The following SSBP2 variants were observed in gnomAD, a reference collection of about 807,000 sequenced individuals.
SSBP2 encodes single-stranded DNA-binding protein 2.
In SSBP2, 17 loss-of-function variants were observed where a neutral mutation model predicts 61.8. That is an observed-to-expected ratio of 0.28 (90% CI 0.19 to 0.41). The LOEUF (loss-of-function observed/expected upper bound fraction) is 0.41. SSBP2 is among the 10% of genes least tolerant of loss of function. The probability of loss-of-function intolerance (pLI) is 1.00; values close to 1 mark genes in which losing one functional copy is unlikely to be tolerated. For synonymous variants in SSBP2, 139 were observed against 141.3 expected, an observed-to-expected ratio of 0.98 and a Z score of 0.12; for missense variants, 310 against 458.7, an observed-to-expected ratio of 0.68 and a Z score of 2.96.
chr5:81,505,981 T>C (rs1768151850), intron 5 of SSBP2, among the ~76,000 whole-genome samples: 1 of 152,198 alleles, frequency 6.6e-6, no homozygotes, highest in South Asian at 2.1e-4. Flanking sequence ...GTCCATCCAG[T>C]TACTGCTGTA....
rs192204953 is a variant in SSBP2, at chr5:81,575,488, G to A, written c.282+39985C>T. Among the ~76,000 whole-genome samples the A allele has an allele frequency of 9.9e-5, 15 of 152,184 alleles. No individual in the cohort carries two copies. The East Asian group carries it at 2.5e-3, about 25-fold the overall frequency. On this transcript the variant is annotated intron_variant, in intron 4 of 16. Transcript: ENST00000320672. ...CATATGTTAATAAATCAAGGATAGT[G>A]ATATAATCTCTGGGATAAGCATAAA...
chr5:81,505,383 A>C (rs960789594), intron 5 of SSBP2, among the ~76,000 whole-genome samples: 1 of 152,216 alleles, frequency 6.6e-6, no homozygotes, highest in Non-Finnish European at 1.5e-5. Context: ...TATTCTTTTA[A>C]AAAGCTAAAG....
At chr5:81,456,483 G>GTA (rs1424794587) in intron 10 of SSBP2, among the ~76,000 whole-genome samples, 2 of 150,542 alleles carry the variant, frequency 1.3e-5, no homozygotes, top group African/African-American at 4.9e-5. Flanking sequence ...CTCTTTTTCA[G>GTA]TATAAGTCTA....
intron 16 of SSBP2, among the ~76,000 whole-genome samples, chr5:81,425,729 A>G (rs1761910398): frequency 1.3e-5 from 2 of 152,170 alleles, no homozygotes; most frequent in Non-Finnish European, 2.9e-5. Context: ...ATCTTAAAAA[A>G]AAAAAACCTC....
At chr5:81,592,343 A>G (rs960663160) in intron 4 of SSBP2, among the ~76,000 whole-genome samples, 1 of 152,246 alleles carries the variant, frequency 6.6e-6, no homozygotes, top group South Asian at 2.1e-4. Context: ...AGCGGCTGGT[A>G]AGCTCAAACT....
chr5:81,743,484 A>G (rs1277542778), intron 1 of SSBP2, among the ~76,000 whole-genome samples: 2 of 152,062 alleles, frequency 1.3e-5, no homozygotes, highest in Admixed American at 6.5e-5. Context: ...TAGTACATTT[A>G]TTTGCTTATT....
intron 2 of SSBP2, among the ~76,000 whole-genome samples, chr5:81,647,592 C>T (rs957786051): frequency 3.9e-5 from 6 of 151,962 alleles, no homozygotes; most frequent in Non-Finnish European, 5.9e-5. Flanking sequence ...TTCTGAAAAT[C>T]ACATACACTT....
chr5:81,643,595 C>CTTTTTTTTTTTTTTTTTTTTTTTTTTT (rs368511957), intron 2 of SSBP2, among the ~76,000 whole-genome samples: 2 of 60,272 alleles, frequency 3.3e-5, no homozygotes, highest in Non-Finnish European at 5.9e-5. Context: ...TTTTTCCTTT[C>CTTTTTTTTTTTTTTTTTTTTTTTTTTT]TTTTTTTTTT....
chr5:81,620,431 A>C (rs568423485), intron 3 of SSBP2, among the ~76,000 whole-genome samples: 12 of 151,992 alleles, frequency 7.9e-5, no homozygotes, highest in South Asian at 4.2e-4. Flanking sequence ...AGAACCACAA[A>C]CCACTGGTCA....
In SSBP2 at chr5:81,413,963, T is replaced by C. The variant is rs947096274; in HGVS notation, c.*6541A>G. The C allele has an allele frequency of 4.6e-5, 7 of 152,160 alleles. No homozygotes were observed. Among genetic ancestry groups the C allele is most frequent in the Non-Finnish European group, 1.5e-5 (1 of 67,994 alleles). 9.4% of individuals were successfully genotyped at this position (152,160 alleles called of 1,614,324 possible). ...AAATTTCACTCTCTTGGCAATGTAC[T>C]GAGGCCATTTGGTGGAAAAAAGAAA... On this transcript the variant is annotated 3_prime_UTR_variant, in exon 17 of 17. Coordinates refer to ENST00000320672, the MANE Select transcript of SSBP2 (RefSeq NM_012446.5).
At chr5:81,727,759 T>C (rs959983890) in intron 1 of SSBP2, among the ~76,000 whole-genome samples, 1 of 152,220 alleles carries the variant, frequency 6.6e-6, no homozygotes, top group Admixed American at 6.5e-5. Context: ...GGGCCAACTA[T>C]AGGCAAAGTG....
chr5:81,635,150 T>C (rs1748088866), intron 3 of SSBP2, among the ~76,000 whole-genome samples: 1 of 151,790 alleles, frequency 6.6e-6, no homozygotes, highest in Non-Finnish European at 1.5e-5. Context: ...AATGAAACTT[T>C]AAAAGATACC....
intron 1 of SSBP2, among the ~76,000 whole-genome samples, chr5:81,696,767 A>G: frequency 6.6e-6 from 1 of 152,232 alleles, no homozygotes; most frequent in Non-Finnish European, 1.5e-5. Context: ...GGCAGCATAT[A>G]GAGTGATTAA....
At chr5:81,434,005 G>A (rs975701854) in intron 15 of SSBP2, among the ~76,000 whole-genome samples, 8 of 152,130 alleles carry the variant, frequency 5.3e-5, no homozygotes, top group African/African-American at 1.9e-4. Context: ...GTTCACACTC[G>A]ATTCTCAACA....
At chr5:81,626,689 C>G (rs1298914845) in intron 3 of SSBP2, among the ~76,000 whole-genome samples, 1 of 151,086 alleles carries the variant, frequency 6.6e-6, no homozygotes, top group Non-Finnish European at 1.5e-5. Context: ...GCAACCACCC[C>G]CTCACCCTAC....
At chr5:81,436,667 T>C (rs1485745066) in intron 15 of SSBP2, among the ~76,000 whole-genome samples, 1 of 152,178 alleles carries the variant, frequency 6.6e-6, no homozygotes, top group African/African-American at 2.4e-5. Context: ...TTTATTGATA[T>C]AGAGCAGACT....
In SSBP2 at chr5:81,512,381, G is replaced by C. The variant is rs374380612; in HGVS notation, c.372+1247C>G. 1.9e-3 allele frequency among the ~76,000 whole-genome samples: 290 copies of C among 152,298 alleles called. 3 individuals are homozygous for C. Among genetic ancestry groups the C allele is most frequent in the African/African-American group, 6.8e-3 (284 of 41,572 alleles). On this transcript the variant is annotated intron_variant, in intron 5 of 16. Coordinates refer to ENST00000320672, the MANE Select transcript of SSBP2 (RefSeq NM_012446.5). ...ATCTAGGGATATTGTGAGGATTAGA[G>C]TTTATATATGTAAAGCATTTAGAAT...
chr5:81,615,155 T>C (rs1217938558), intron 4 of SSBP2: 4 of 190,862 alleles, frequency 2.1e-5, no homozygotes, highest in African/African-American at 9.5e-5. Context: ...TTATAATGAA[T>C]GTTTTTGTAG....
intron 6 of SSBP2, among the ~76,000 whole-genome samples, chr5:81,481,900 G>T (rs933529466): frequency 1.3e-5 from 2 of 151,904 alleles, no homozygotes; most frequent in African/African-American, 2.4e-5. Context: ...TGTCATCCAG[G>T]CTTTGTTGTT....
Sources: gnomAD v4.1 joint callset for allele counts (sites outside exome capture counted in the v4.1 genomes callset) on GRCh38, gnomAD v4.1.1 for gene constraint, MANE v1.5 for transcripts, NCBI Gene and HGNC (gene_info 2026-07-23, HGNC 2026-07-21) for gene names.